Variants in GLI3 observed in about 807,000 individuals in gnomAD.
The protein encoded by GLI3 is GLI family zinc finger 3.
In GLI3, 20 loss-of-function variants were observed where a neutral mutation model predicts 100.8. That is an observed-to-expected ratio of 0.20 (90% confidence interval 0.14 to 0.29). The LOEUF (loss-of-function observed/expected upper bound fraction) is 0.29, where lower values mean the gene tolerates loss of function less well. Among genes scored for constraint, GLI3 ranks in the 10% least tolerant of loss-of-function variants. GLI3 has a pLI of 1.00. For missense variants in GLI3, 2,040 were observed against 2,128.5 expected (o/e 0.96, Z 0.82); for synonymous variants, 938 against 860.5 (o/e 1.09, Z -1.58).
intron 3 of GLI3, among the ~76,000 whole-genome samples, chr7:42,132,943 C>T (rs1786330456): frequency 6.6e-6 from 1 of 152,104 alleles, no homozygotes; most frequent in Non-Finnish European, 1.5e-5. Flanking sequence ...TAATCTTCAC[C>T]TACCACCCTA....
intron 6 of GLI3, among the ~76,000 whole-genome samples, chr7:42,041,460 T>C (rs1467084685): frequency 6.6e-6 from 1 of 152,208 alleles, no homozygotes; most frequent in Non-Finnish European, 1.5e-5. Context: ...TACAGAGTCA[T>C]CAAACTAAAG....
At position 42,163,422 on chromosome 7, in the gene GLI3, A is replaced by C. The variant is rs1485514700; in HGVS notation, c.125-14954T>G. Among the ~76,000 whole-genome samples, 14 of 138,772 alleles carry C rather than the reference A, an allele frequency of 1.0e-4. No homozygotes were observed. The South Asian group carries it at 2.8e-3, about 28-fold the overall frequency. The allele number at this position is 138,772 out of a possible 152,430, so 91.0% of individuals were successfully genotyped here. ...TGCCTCTATCTAATGAACCATCTCT[A>C]TTTTCTTTTCTTTTTTTTTTTTTGA... On this transcript the variant is annotated intron_variant, in intron 2 of 14. Coordinates refer to ENST00000395925, the MANE Select transcript of GLI3 (RefSeq NM_000168.6).
chr7:42,132,074 A>ATTATTTATTTATTTATTTAT (rs57779364), intron 3 of GLI3, among the ~76,000 whole-genome samples: 8 of 151,088 alleles, frequency 5.3e-5, no homozygotes, highest in Admixed American at 1.3e-4. Flanking sequence ...TCAGGACTTC[A>ATTATTTATTTATTTATTTAT]TTATTTATTT....
At chr7:42,154,954 G>A (rs934098027) in intron 2 of GLI3, among the ~76,000 whole-genome samples, 1 of 152,210 alleles carries the variant, frequency 6.6e-6, no homozygotes, top group Non-Finnish European at 1.5e-5. Flanking sequence ...AGATGGATCA[G>A]GAGAAAGCAC....
intron 7 of GLI3, 128 bp from the exon 8 acceptor site, chr7:42,026,540 G>C: frequency 1.3e-6 from 1 of 762,674 alleles, no homozygotes; most frequent in Non-Finnish European, 2.3e-6. Context: ...GAGAAGGTAG[G>C]ATTATTGCCA....
chr7:42,078,632 A>G (rs1422312989), intron 3 of GLI3, among the ~76,000 whole-genome samples: 2 of 151,960 alleles, frequency 1.3e-5, no homozygotes. Context: ...AATCAGTTTG[A>G]TCTTGTATCA....
intron 4 of GLI3, among the ~76,000 whole-genome samples, chr7:42,071,628 T>C (rs1288971948): frequency 1.3e-5 from 2 of 152,328 alleles, no homozygotes; most frequent in African/African-American, 2.4e-5. Context: ...AACTCAGTAG[T>C]AGCCCTGGTC....
chr7:42,030,592 A>C (rs556440606), intron 7 of GLI3, among the ~76,000 whole-genome samples: 3 of 152,276 alleles, frequency 2.0e-5, no homozygotes, highest in African/African-American at 7.2e-5. Context: ...TAAAAACAGA[A>C]GGTAAATTCT....
intron 10 of GLI3, among the ~76,000 whole-genome samples, chr7:42,019,001 T>C (rs1459343411): frequency 6.6e-6 from 1 of 152,192 alleles, no homozygotes; most frequent in African/African-American, 2.4e-5. Flanking sequence ...AATAAAACTT[T>C]TAAAATCATT....
At chr7:42,006,321 G>C (rs12530734) in intron 10 of GLI3, among the ~76,000 whole-genome samples, 31,389 of 152,020 alleles carry the variant, frequency 0.21, 4,095 homozygotes, top group Admixed American at 0.32. Context: ...CTCAGCTCTG[G>C]AGTGAGGCTC....
chr7:42,005,595 A>G (rs1788439020), intron 10 of GLI3, among the ~76,000 whole-genome samples: 1 of 151,860 alleles, frequency 6.6e-6, no homozygotes, highest in Admixed American at 6.6e-5. Flanking sequence ...AGCAGCTGAT[A>G]CCTGCCTCCC....
rs932573246 is a variant in GLI3, at chr7:41,965,957, G to C, written c.3116C>G (p.Ala1039Gly). Residue 1039 changes from alanine (A) to glycine (G), a missense_variant, in exon 15 of 15, where the codon GCG (alanine) becomes GGG (glycine). By Grantham distance (60) the Ala-to-Gly change is moderately conservative. Transcript: ENST00000395925. ...CTGAAGCACGAGACTGCGCTTCTCC[G>C]CGGACGTGGCCATCGCCGGGGGGTT... ...SCNPPAMATS[A>G]EKRSLVLQNY... 17 of 1,610,798 alleles carry C rather than the reference G, an allele frequency of 1.1e-5. No homozygotes were observed. The highest frequency in any genetic ancestry group is 1.4e-5 in the Non-Finnish European group (17 of 1,179,698).
intron 2 of GLI3, among the ~76,000 whole-genome samples, chr7:42,200,758 T>C (rs1788021687): frequency 1.3e-5 from 2 of 152,014 alleles, no homozygotes; most frequent in South Asian, 4.1e-4. Flanking sequence ...TTGGGCACTG[T>C]GGGCAAATCA....
intron 3 of GLI3, among the ~76,000 whole-genome samples, chr7:42,106,488 G>C (rs937418357): frequency 6.6e-6 from 1 of 152,188 alleles, no homozygotes; most frequent in African/African-American, 2.4e-5. Context: ...GCATCTGGTA[G>C]CTTCCTGCCC....
chr7:42,208,482 A>T (rs961947287), intron 2 of GLI3, among the ~76,000 whole-genome samples: 1 of 152,224 alleles, frequency 6.6e-6, no homozygotes, highest in Non-Finnish European at 1.5e-5. Context: ...CTAACTTTTC[A>T]ATAACAACGT....
chr7:42,187,682 C>G (rs939641076), intron 2 of GLI3, among the ~76,000 whole-genome samples: 1 of 151,934 alleles, frequency 6.6e-6, no homozygotes, highest in African/African-American at 2.4e-5. Context: ...TAAGGTGAAC[C>G]CTAAATCCAA....
intron 1 of GLI3, among the ~76,000 whole-genome samples, chr7:42,253,266 T>C (rs949654002): frequency 2.0e-5 from 3 of 152,206 alleles, no homozygotes; most frequent in African/African-American, 7.2e-5. Flanking sequence ...CACCAGCATC[T>C]CCAGAAGCAC....
chr7:42,226,339 A>C (rs545822160), intron 1 of GLI3, among the ~76,000 whole-genome samples: 1 of 152,300 alleles, frequency 6.6e-6, no homozygotes, highest in South Asian at 2.1e-4. Context: ...GAATCAGGAG[A>C]CAAGTTCCCA....
rs562051847 is a variant in GLI3 at position 42,075,437 on chromosome 7, A to G, written c.473+1315T>C. ...CATGTGGTCACATCTGTATCATAAA[A>G]CCTCTGTATAATGGGGTGAATTACA... On this transcript the variant is annotated intron_variant, in intron 4 of 14. Transcript: ENST00000395925. Among the ~76,000 whole-genome samples, 303 of 149,086 alleles carry G rather than the reference A, an allele frequency of 2.0e-3. 2 individuals are homozygous for G. Among genetic ancestry groups the G allele is most frequent in the African/African-American group, 7.5e-3 (292 of 38,916 alleles).
Sources: gnomAD v4.1 joint callset for allele counts (sites outside exome capture counted in the v4.1 genomes callset) on GRCh38, gnomAD v4.1.1 for gene constraint, MANE v1.5 for transcripts, NCBI Gene and HGNC (gene_info 2026-07-23, HGNC 2026-07-21) for gene names.